OGA: variants seen among roughly 807,000 people sequenced by gnomAD.
OGA encodes the protein protein O-GlcNAcase.
A neutral mutation model predicts 102.0 loss-of-function variants in OGA; 21 were observed. That is an observed-to-expected ratio of 0.21 (90% CI 0.15 to 0.30). The LOEUF (loss-of-function observed/expected upper bound fraction) is 0.30, where lower values mean the gene tolerates loss of function less well. Among genes scored for constraint, OGA ranks in the 10% least tolerant of loss-of-function variants. OGA has a pLI of 1.00. For missense variants in OGA, 765 were observed against 1,107.8 expected, an observed-to-expected ratio of 0.69 and a Z score of 4.39; for synonymous variants, 408 against 378.2, an observed-to-expected ratio of 1.08 and a Z score of -0.91.
At position 101,806,228 on chromosome 10, in the gene OGA, G is replaced by T. The variant is rs1054154260; in HGVS notation, c.653-85C>A. The T allele has an allele frequency of 4.7e-6, 4 of 844,666 alleles. No individual in the cohort carries two copies. The Admixed American group carries it at 6.4e-5, about 13-fold the overall frequency. The allele number at this position is 844,666 out of a possible 1,614,324, so 52.3% of individuals were successfully genotyped here. On this transcript the variant is annotated intron_variant, in intron 5 of 15. Transcript: ENST00000361464. ...GTTTGTTTGTTTTCTTTGAGACGGA[G>T]TCTCACTCTTGATGCCCAGGCTAGA...
chr10:101,806,488 T>C (rs752240354), intron 5 of OGA, among the ~76,000 whole-genome samples: 6 of 152,170 alleles, frequency 3.9e-5, no homozygotes, highest in Non-Finnish European at 8.8e-5. Flanking sequence ...GGTTTTTGAA[T>C]GTGGAAAAAA....
intron 1 of OGA, among the ~76,000 whole-genome samples, chr10:101,815,492 G>C (rs2065610195): frequency 6.6e-6 from 1 of 151,848 alleles, no homozygotes; most frequent in African/African-American, 2.4e-5. Flanking sequence ...CGCCATGTTG[G>C]CCAGGCTAGT....
At position 101,817,861 on chromosome 10, in the gene OGA, T is replaced by A. The variant is rs758248765; in HGVS notation, c.162A>T (p.Ala54=). 45 of 1,545,136 alleles carry A rather than the reference T, an allele frequency of 2.9e-5. 1 individual carries two copies. The highest frequency in any genetic ancestry group is 4.4e-6 in the Non-Finnish European group (5 of 1,148,730). Residue 54 remains alanine (A), a synonymous_variant, in exon 1 of 16, where the codon GCA becomes GCT. Coordinates refer to ENST00000361464, the MANE Select transcript of OGA (RefSeq NM_012215.5). ...GAGGAAVAGA[A]GGARRFLCGV... ...CGCAGAGGAACCGCCGAGCCCCTCC[T>A]GCAGCCCCGGCCACCGCCGCTCCCC...
At chr10:101,805,863 G>A (rs1047738590) in intron 6 of OGA, among the ~76,000 whole-genome samples, 182 bp downstream of exon 6, 6 of 152,096 alleles carry the variant, frequency 3.9e-5, no homozygotes, top group Non-Finnish European at 5.9e-5. Context: ...GCTGAGGCAG[G>A]AGAATGGTGT....
chr10:101,811,986 A>C (rs1457676961), intron 3 of OGA, among the ~76,000 whole-genome samples: 1 of 152,216 alleles, frequency 6.6e-6, no homozygotes, highest in African/African-American at 2.4e-5. Context: ...ACTTAAATAG[A>C]GTAGTAAACC....
At chr10:101,800,718 C>T (rs1342041392) in intron 7 of OGA, among the ~76,000 whole-genome samples, 3 of 151,638 alleles carry the variant, frequency 2.0e-5, no homozygotes, top group African/African-American at 7.3e-5. Context: ...GTCAAAAGTA[C>T]CATGCTTTTC....
At position 101,798,918 on chromosome 10, in the gene OGA, A is replaced by G. The variant is rs1218417386; in HGVS notation, c.1733T>C (p.Met578Thr). 6.2e-7 allele frequency: 1 copy of G among 1,614,142 alleles called. No homozygotes were observed. Residue 578 changes from methionine (M) to threonine (T), a missense_variant, in exon 9 of 16, where the codon ATG becomes ACG. By Grantham distance (81) the Met-to-Thr change is moderately conservative. Around this residue, in one of 7 missense-constraint regions of OGA, gnomAD observed 281 missense variants for 345.8 expected, o/e 0.81. Transcript: ENST00000361464. ...PYEHGPKGAQ[M>T]LREFQWLRAN... The stretch of plus-strand genomic sequence containing the variant: ...TCGAAGCCATTGAAATTCCCGTAAC[A>G]TCTGTGCTCCTTTGGGTCCATGCTC...
At chr10:101,791,833 ATT>A (rs748999493) in intron 12 of OGA, among the ~76,000 whole-genome samples, 27 of 141,352 alleles carry the variant, frequency 1.9e-4, no homozygotes, top group Admixed American at 3.5e-4. Flanking sequence ...TACTCATCTA[ATT>A]TTTTTTTTTT....
intron 1 of OGA, among the ~76,000 whole-genome samples, chr10:101,817,136 C>A (rs2065639693): frequency 6.6e-6 from 1 of 152,166 alleles, no homozygotes; most frequent in Non-Finnish European, 1.5e-5. Flanking sequence ...TCGTTCTTTT[C>A]GACTGTAAAT....
At chr10:101,811,513 G>A (rs1206799666) in intron 3 of OGA, among the ~76,000 whole-genome samples, 1 of 149,690 alleles carries the variant, frequency 6.7e-6, no homozygotes, top group Non-Finnish European at 1.5e-5. Context: ...GACCAGCACA[G>A]GCAACATGGC....
At chr10:101,811,249 C>T (rs1045569277) in intron 3 of OGA, among the ~76,000 whole-genome samples, 4 of 151,046 alleles carry the variant, frequency 2.6e-5, no homozygotes, top group Admixed American at 6.6e-5. Flanking sequence ...ATTAGCCAGG[C>T]GTGGTGGCGC....
chr10:101,800,577 T>A (rs539531306), intron 7 of OGA, among the ~76,000 whole-genome samples, 177 bp from the exon 8 acceptor site: 1 of 152,218 alleles, frequency 6.6e-6, no homozygotes, highest in Non-Finnish European at 1.5e-5. Context: ...ACCAAACCAC[T>A]TCATATAGGA....
Position 101,786,540 on chromosome 10 carries a change from G to C in OGA, c.2662C>G (p.Leu888Val). The change falls in exon 16 of 16, where the codon CTG (leucine) becomes GTG (valine). Residue 888 changes from leucine (L) to valine (V), a missense_variant. Physicochemically the swap from Leu to Val is conservative, Grantham distance 32. Coordinates refer to ENST00000361464, the MANE Select transcript of OGA (RefSeq NM_012215.5). ...CEVRPDDKRI[L>V]EFYSKLGCFE... The stretch of plus-strand genomic sequence containing the variant: ...CATCCTAACTTGCTGTAAAATTCCA[G>C]AATTCTTTTATCATCTGGTCTCACT... 1 of 1,611,486 alleles carries C rather than the reference G, an allele frequency of 6.2e-7. No homozygotes were observed. The highest frequency in any genetic ancestry group is 8.5e-7 in the Non-Finnish European group (1 of 1,178,960).
rs1263159966 is a variant in OGA, at chr10:101,799,053, G to C, written c.1598C>G (p.Thr533Arg). ...ACCTGGCACAAACTGCTCCTTGTTT[G>C]TCTGTTCATCAGTTTGCATGGGGGC... ...DIAPMQTDEQ[T>R]NKEQFVPGPN... is the part of the protein sequence containing the mutation. The change falls in exon 9 of 16, where the codon ACA (threonine) becomes AGA (arginine). Residue 533 changes from threonine to arginine, a missense_variant. Physicochemically the swap from Thr to Arg is moderately conservative, Grantham distance 71. Around this residue, in one of 7 missense-constraint regions of OGA, gnomAD observed 281 missense variants for 345.8 expected, o/e 0.81. Coordinates refer to ENST00000361464, the MANE Select transcript of OGA (RefSeq NM_012215.5). The C allele has an allele frequency of 3.7e-6, 6 of 1,614,076 alleles. No individual in the cohort carries two copies. The highest frequency in any genetic ancestry group is 4.2e-6 in the Non-Finnish European group (5 of 1,180,052).
At chr10:101,788,633 G>A (rs1589821981) in intron 14 of OGA, among the ~76,000 whole-genome samples, 1 of 151,876 alleles carries the variant, frequency 6.6e-6, no homozygotes, top group East Asian at 1.9e-4. Context: ...TACTCGGGAG[G>A]CTGAGGCAGG....
At chr10:101,817,594 C>A (rs1278866733) in intron 1 of OGA, among the ~76,000 whole-genome samples, 3 of 152,130 alleles carry the variant, frequency 2.0e-5, no homozygotes. Flanking sequence ...GGCTCCAAGC[C>A]CAAGACGGGT....
intron 12 of OGA, among the ~76,000 whole-genome samples, chr10:101,792,332 G>A (rs1423609208): frequency 6.6e-6 from 1 of 152,120 alleles, no homozygotes; most frequent in Non-Finnish European, 1.5e-5. Flanking sequence ...ATAGAGAAAG[G>A]GTTTCACCAT....
In OGA at chr10:101,810,443, T is replaced by C. The variant is rs1367638471; in HGVS notation, c.350-129A>G. ...GAAAAGATCCTCACATTTTACAAATTGTCATGTCCAACTTAACAACAGGCC... is the reference window on the plus strand; with the variant it reads ...GAAAAGATCCTCACATTTTACAAATCGTCATGTCCAACTTAACAACAGGCC... On this transcript the variant is annotated intron_variant, in intron 3 of 15. Coordinates refer to ENST00000361464, the MANE Select transcript of OGA (RefSeq NM_012215.5). 3.5e-6 allele frequency: 3 copies of C among 855,956 alleles called. No individual in the cohort carries two copies. The African/African-American group carries it at 5.1e-5, about 15-fold the overall frequency. The allele number at this position is 855,956 out of a possible 1,614,324, so 53.0% of individuals were successfully genotyped here.
intron 6 of OGA, 134 bp downstream of exon 6, chr10:101,805,911 T>C (rs999164441): frequency 9.8e-5 from 57 of 580,426 alleles, no homozygotes; most frequent in South Asian, 6.9e-4. Context: ...GCCGAGATCA[T>C]GCCACTGGAC....
Sources: allele counts gnomAD v4.1 joint callset (sites outside exome capture counted in the v4.1 genomes callset), GRCh38; gene constraint gnomAD v4.1.1; regional missense constraint gnomAD v4.1.1; transcripts MANE v1.5; gene names NCBI Gene and HGNC (gene_info 2026-07-23, HGNC 2026-07-21).